The following AUTS2 variants were observed in gnomAD, a reference collection of about 807,000 sequenced individuals.
The protein encoded by AUTS2 is autism susceptibility gene 2 protein.
In AUTS2, 17 loss-of-function variants were observed where a neutral mutation model predicts 112.4. The ratio of observed to expected loss-of-function variants is 0.15; its 90% CI spans 0.10 to 0.23. The LOEUF (loss-of-function observed/expected upper bound fraction) is 0.23, where lower values mean the gene tolerates loss of function less well. Among genes scored for constraint, AUTS2 ranks in the 10% least tolerant of loss-of-function variants. The pLI is 1.00. For missense variants in AUTS2, 1,510 were observed against 1,701.6 expected (o/e 0.89, Z 1.98); for synonymous variants, 751 against 702.7 (o/e 1.07, Z -1.09).
chr7:70,455,374 G>A (rs1023271869), intron 5 of AUTS2, among the ~76,000 whole-genome samples: 2 of 152,136 alleles, frequency 1.3e-5, no homozygotes, highest in East Asian at 1.9e-4. Flanking sequence ...ACTGAAGTGG[G>A]GAGAGTGAAG....
intron 1 of AUTS2, among the ~76,000 whole-genome samples, chr7:69,861,818 T>C (rs977798612): frequency 5.3e-5 from 8 of 152,172 alleles, no homozygotes; most frequent in Non-Finnish European, 1.0e-4. Flanking sequence ...AGGGGATAGG[T>C]GACCAACGTG....
intron 5 of AUTS2, among the ~76,000 whole-genome samples, chr7:70,498,222 C>T (rs1315862139): frequency 6.6e-6 from 1 of 152,122 alleles, no homozygotes; most frequent in Non-Finnish European, 1.5e-5. Context: ...GCGTTGCCTT[C>T]CTGAAATCCA....
intron 4 of AUTS2, among the ~76,000 whole-genome samples, chr7:70,271,534 A>G (rs949231927): frequency 1.3e-5 from 2 of 152,212 alleles, no homozygotes; most frequent in Admixed American, 1.3e-4. Context: ...ATTATTACAC[A>G]GGGTTTATAA....
intron 3 of AUTS2, among the ~76,000 whole-genome samples, chr7:70,129,837 C>T (rs1218342797): frequency 6.6e-6 from 1 of 151,688 alleles, no homozygotes; most frequent in East Asian, 1.9e-4. Flanking sequence ...GTTGTTGCTC[C>T]ATTTTTACTT....
intron 1 of AUTS2, among the ~76,000 whole-genome samples, chr7:69,615,849 A>G (rs2129085126): frequency 6.6e-6 from 1 of 152,364 alleles, no homozygotes; most frequent in Admixed American, 6.5e-5. Context: ...CTCCTGTAGC[A>G]TGCTGACAGC....
At chr7:69,885,699 C>T (rs1301874158) in intron 1 of AUTS2, among the ~76,000 whole-genome samples, 1 of 152,132 alleles carries the variant, frequency 6.6e-6, no homozygotes, top group Non-Finnish European at 1.5e-5. Flanking sequence ...TTTACCCAGC[C>T]TTAGTTTCCT....
chr7:70,640,633 T>C (rs1805776891), intron 5 of AUTS2, among the ~76,000 whole-genome samples: 1 of 152,032 alleles, frequency 6.6e-6, no homozygotes, highest in Admixed American at 6.6e-5. Flanking sequence ...GGGGCTTTCA[T>C]TGATACCAGT....
intron 1 of AUTS2, among the ~76,000 whole-genome samples, chr7:69,860,560 C>T (rs1792931190): frequency 6.6e-6 from 1 of 152,126 alleles, no homozygotes; most frequent in African/African-American, 2.4e-5. Flanking sequence ...CTTTTCCTTC[C>T]ACTTGCAGAG....
intron 5 of AUTS2, among the ~76,000 whole-genome samples, chr7:70,566,222 T>C (rs1801701348): frequency 6.6e-6 from 1 of 152,198 alleles, no homozygotes; most frequent in Admixed American, 6.5e-5. Context: ...ACAGACTTCC[T>C]TTTCTGGTCT....
At chr7:70,243,991 A>G (rs555081304) in intron 4 of AUTS2, among the ~76,000 whole-genome samples, 3 of 152,190 alleles carry the variant, frequency 2.0e-5, no homozygotes, top group African/African-American at 7.2e-5. Context: ...CAGTAATAGT[A>G]AGAGTATGGG....
chr7:70,028,158 C>T (rs185512971), intron 2 of AUTS2, among the ~76,000 whole-genome samples: 113 of 152,190 alleles, frequency 7.4e-4, no homozygotes, highest in Admixed American at 1.6e-3. Context: ...GCCAACACAG[C>T]TGTATTCATC....
At chr7:70,305,167 CATT>C (rs1350659604) in intron 4 of AUTS2, among the ~76,000 whole-genome samples, 2 of 151,974 alleles carry the variant, frequency 1.3e-5, no homozygotes, top group East Asian at 1.9e-4. Flanking sequence ...TCCAATTCAT[CATT>C]ATTATGAATA....
rs141709049 is a variant in AUTS2 at position 70,771,591 on chromosome 7, A to G, written c.1777A>G (p.Met593Val). Residue 593 changes from methionine to valine, a missense_variant, in exon 11 of 19, where the codon ATG becomes GTG. Met to Val is a conservative substitution (Grantham distance 21). This residue lies in a region of AUTS2 where 187 missense variants were observed against 309.7 expected (regional missense o/e 0.60). Transcript: ENST00000342771. ...TCCTGCAGTGTCGGGCATCCCCCCTATGATCCCACCCACTGGCCCTTTTGG... is the reference window on the plus strand; with the variant it reads ...TCCTGCAGTGTCGGGCATCCCCCCTGTGATCCCACCCACTGGCCCTTTTGG... The part of the protein sequence containing the change: ...YPPAVSGIPP[M>V]IPPTGPFGSL... 9.2e-5 allele frequency: 149 copies of G among 1,613,530 alleles called. No individual in the cohort carries two copies. The highest frequency in any genetic ancestry group is 5.1e-4 in the East Asian group (23 of 44,858).
chr7:69,654,008 A>G lies in AUTS2; in HGVS notation c.309+54046A>G, dbSNP rs531980496. Among the ~76,000 whole-genome samples the G allele has an allele frequency of 3.9e-5, 6 of 152,348 alleles. No individual in the cohort carries two copies. The East Asian group carries it at 1.2e-3, about 29-fold the overall frequency. On this transcript the variant is annotated intron_variant, in intron 1 of 18. Coordinates refer to ENST00000342771, the MANE Select transcript of AUTS2 (RefSeq NM_015570.4). ...AAATTGGATCAGTTAGGGGAAATTT[A>G]TAAAACTTCTGTATTCTGTGCTAAT...
At chr7:70,368,688 T>A (rs536831723) in intron 4 of AUTS2, among the ~76,000 whole-genome samples, 1 of 152,332 alleles carries the variant, frequency 6.6e-6, no homozygotes, top group South Asian at 2.1e-4. Context: ...CATGGCTACC[T>A]CTGACCTCAG....
chr7:70,277,195 C>T (rs1374461564), intron 4 of AUTS2, among the ~76,000 whole-genome samples: 2 of 152,124 alleles, frequency 1.3e-5, no homozygotes, highest in East Asian at 3.9e-4. Flanking sequence ...CTAGGAGAGC[C>T]TCTATAGAGG....
intron 1 of AUTS2, among the ~76,000 whole-genome samples, chr7:69,857,441 A>G (rs1241582579): frequency 6.6e-6 from 1 of 152,048 alleles, no homozygotes; most frequent in African/African-American, 2.4e-5. Flanking sequence ...TGCCTGCTAA[A>G]CCCTCTTTGA....
chr7:70,758,062 G>A (rs1585637218), intron 6 of AUTS2, among the ~76,000 whole-genome samples: 1 of 152,036 alleles, frequency 6.6e-6, no homozygotes, highest in Non-Finnish European at 1.5e-5. Flanking sequence ...GATTACAGGC[G>A]TGAGCCGCTG....
chr7:70,696,974 A>C (rs564925579), intron 5 of AUTS2, among the ~76,000 whole-genome samples: 4 of 152,210 alleles, frequency 2.6e-5, no homozygotes, highest in Admixed American at 6.5e-5. Flanking sequence ...ACACTTTTTC[A>C]TGAAAGGATG....
Sources: allele counts gnomAD v4.1 joint callset (sites outside exome capture counted in the v4.1 genomes callset), GRCh38; gene constraint gnomAD v4.1.1; regional missense constraint gnomAD v4.1.1; transcripts MANE v1.5; gene names NCBI Gene and HGNC (gene_info 2026-07-23, HGNC 2026-07-21).